The following GAB1 variants were observed in gnomAD, a reference collection of about 807,000 sequenced individuals.
GAB1 encodes GRB2-associated-binding protein 1.
A neutral mutation model predicts 66.5 loss-of-function variants in GAB1; 19 were observed. The observed-to-expected ratio is 0.29, with a 90% CI of 0.20 to 0.42. The LOEUF is 0.42. Among genes scored for constraint, GAB1 ranks in the 10% least tolerant of loss-of-function variants. The pLI is 1.00. For synonymous variants in GAB1, 294 were observed against 301.4 expected (o/e 0.98, Z 0.25); for missense variants, 732 against 858.5 (o/e 0.85, Z 1.84).
chr4:143,452,806 A>G (rs1734993699), intron 6 of GAB1, among the ~76,000 whole-genome samples: 1 of 152,218 alleles, frequency 6.6e-6, no homozygotes, highest in South Asian at 2.1e-4. Context: ...CAAGTCTAGC[A>G]AAAGCCAAGT....
chr4:143,403,181 A>G (rs1731862598), intron 1 of GAB1, among the ~76,000 whole-genome samples: 1 of 151,908 alleles, frequency 6.6e-6, no homozygotes, highest in African/African-American at 2.4e-5. Context: ...ACTGGTAACA[A>G]TTTTGCTTGG....
At chr4:143,437,361 A>C (rs1402272377) in intron 3 of GAB1, among the ~76,000 whole-genome samples, 1 of 152,212 alleles carries the variant, frequency 6.6e-6, no homozygotes. Flanking sequence ...GATTTCTCAA[A>C]GTGAGTTATT....
intron 4 of GAB1, 41 bp downstream of exon 4, chr4:143,438,641 T>C (rs1734067847): frequency 2.6e-6 from 4 of 1,563,090 alleles, no homozygotes; most frequent in South Asian, 2.4e-5. Flanking sequence ...AGGTTAATGA[T>C]AGAAAATCGA....
At chr4:143,460,678 TAAATGAG>T (rs1429120091) in intron 8 of GAB1, among the ~76,000 whole-genome samples, 191 bp downstream of exon 8, 1 of 151,788 alleles carries the variant, frequency 6.6e-6, no homozygotes, top group East Asian at 1.9e-4. Flanking sequence ...AAGTAAACTG[TAAATGAG>T]TTAAAAAAAA....
rs749679488 is a variant in GAB1, at chr4:143,337,273, G to A, written c.72+13G>A. On this transcript the variant is annotated intron_variant, in intron 1 of 9. Coordinates refer to ENST00000262994, the MANE Select transcript of GAB1 (RefSeq NM_002039.4). ...GTTGAAGCGTTATGTAAGTAGAGCT[G>A]CGGGCACCACTCCGCGGGCCTCGGC... 3 of 1,568,450 alleles carry A rather than the reference G, an allele frequency of 1.9e-6. No homozygotes were observed. Among genetic ancestry groups the A allele is most frequent in the Non-Finnish European group, 2.6e-6 (3 of 1,155,490 alleles).
intron 1 of GAB1, among the ~76,000 whole-genome samples, chr4:143,394,234 A>G (rs539440005): frequency 2.0e-5 from 3 of 152,164 alleles, no homozygotes; most frequent in Non-Finnish European, 4.4e-5. Context: ...AGATCGTGCT[A>G]CTGCACTCCA....
In GAB1 at chr4:143,384,390, T is replaced by TTTA. The variant is rs1283447070; in HGVS notation, c.73-31087_73-31086insTTA. ...ACATTTCTTTCCTTTAAATTTGAAG[T>TTTA]AAGGTTAAAGTTTTTTGCAACCAAA... On this transcript the variant is annotated intron_variant, in intron 1 of 9. Coordinates refer to ENST00000262994, the MANE Select transcript of GAB1 (RefSeq NM_002039.4). 2.6e-5 allele frequency among the ~76,000 whole-genome samples: 4 copies of TTTA among 152,186 alleles called. No homozygotes were observed. In the East Asian group the frequency reaches 5.8e-4, roughly 22 times the overall value.
intron 1 of GAB1, among the ~76,000 whole-genome samples, chr4:143,361,161 TCAG>T (rs1477748748): frequency 6.6e-6 from 1 of 152,146 alleles, no homozygotes; most frequent in East Asian, 1.9e-4. Flanking sequence ...TACGCAACCT[TCAG>T]ACATTCCAGA....
At chr4:143,458,293 AG>A (rs945069754) in intron 6 of GAB1, among the ~76,000 whole-genome samples, 9 of 152,108 alleles carry the variant, frequency 5.9e-5, no homozygotes, top group African/African-American at 2.2e-4. Context: ...AAATGGTTTC[AG>A]CTCAAATTAG....
At chr4:143,464,642 A>G (rs1299904283) in intron 8 of GAB1, among the ~76,000 whole-genome samples, 1 of 152,196 alleles carries the variant, frequency 6.6e-6, no homozygotes, top group Non-Finnish European at 1.5e-5. Flanking sequence ...TTTACTGAAT[A>G]AACATACTGC....
chr4:143,384,090 GAT>G (rs1158039737), intron 1 of GAB1, among the ~76,000 whole-genome samples: 1 of 151,942 alleles, frequency 6.6e-6, no homozygotes, highest in Non-Finnish European at 1.5e-5. Context: ...AAAAAAAAAA[GAT>G]ATGTGAAATT....
intron 1 of GAB1, among the ~76,000 whole-genome samples, chr4:143,364,079 T>C (rs772968588): frequency 1.4e-4 from 22 of 152,064 alleles, no homozygotes; most frequent in Non-Finnish European, 2.2e-4. Flanking sequence ...TCCCAGCTGC[T>C]TGGGAGGCTG....
At chr4:143,423,632 C>T (rs1463731936) in intron 2 of GAB1, among the ~76,000 whole-genome samples, 1 of 150,888 alleles carries the variant, frequency 6.6e-6, no homozygotes, top group Non-Finnish European at 1.5e-5. Context: ...AAAAAATTAG[C>T]CAGGCGTGGT....
chr4:143,450,447 T>G (rs1363935068), intron 6 of GAB1, among the ~76,000 whole-genome samples: 1 of 152,222 alleles, frequency 6.6e-6, no homozygotes, highest in African/African-American at 2.4e-5. Flanking sequence ...TGTGTGGAAT[T>G]TATGTAAGTA....
intron 1 of GAB1, among the ~76,000 whole-genome samples, chr4:143,373,829 C>T (rs896204399): frequency 9.5e-6 from 1 of 105,498 alleles, no homozygotes; most frequent in Non-Finnish European, 2.1e-5. Flanking sequence ...AACCCTCTCT[C>T]TCTCTCTCTC....
intron 1 of GAB1, among the ~76,000 whole-genome samples, chr4:143,364,867 A>ATTTT (rs1729810876): frequency 7.5e-5 from 9 of 119,502 alleles, no homozygotes; most frequent in African/African-American, 2.9e-4. Context: ...CCCTGCATCT[A>ATTTT]CTTTTTTTTT....
chr4:143,360,182 CTG>C (rs200126523), intron 1 of GAB1, among the ~76,000 whole-genome samples: 3,156 of 152,250 alleles, frequency 0.021, 104 homozygotes, highest in African/African-American at 0.072. Flanking sequence ...ATTCACCACT[CTG>C]TGTCCTACTC....
intron 1 of GAB1, among the ~76,000 whole-genome samples, chr4:143,337,591 G>C (rs1728703632): frequency 6.6e-6 from 1 of 152,216 alleles, no homozygotes; most frequent in Non-Finnish European, 1.5e-5. Flanking sequence ...GTGCGATGGA[G>C]AGAGGAGCCT....
At chr4:143,337,939 G>T (rs534639946) in intron 1 of GAB1, among the ~76,000 whole-genome samples, 5 of 152,214 alleles carry the variant, frequency 3.3e-5, no homozygotes, top group South Asian at 2.1e-4. Context: ...AGGGCGCTGG[G>T]GGGGAGCCTA....
Sources: gnomAD v4.1 joint callset for allele counts (sites outside exome capture counted in the v4.1 genomes callset) on GRCh38, gnomAD v4.1.1 for gene constraint, MANE v1.5 for transcripts, NCBI Gene and HGNC (gene_info 2026-07-23, HGNC 2026-07-21) for gene names.